ATP10B: variants seen among roughly 807,000 people sequenced by gnomAD.
ATP10B encodes ATPase phospholipid transporting 10B (putative).
Under a neutral mutation model 141.2 loss-of-function variants are expected in ATP10B, and 122 were observed. The ratio of observed to expected loss-of-function variants is 0.86; its 90% CI spans 0.75 to 1.00. The LOEUF (loss-of-function observed/expected upper bound fraction) is 1.00, where lower values mean the gene tolerates loss of function less well. Ranked by LOEUF, ATP10B falls within the 50% of genes least tolerant of loss-of-function variation. The pLI is 0.00. For synonymous variants in ATP10B, 685 were observed against 692.0 expected, an observed-to-expected ratio of 0.99 and a Z score of 0.16; for missense variants, 1,876 against 1,825.3, an observed-to-expected ratio of 1.03 and a Z score of -0.51.
At chr5:160,671,164 CAAAAA>C (rs1167788105) in intron 6 of ATP10B, among the ~76,000 whole-genome samples, 19 of 23,734 alleles carry the variant, frequency 8.0e-4, no homozygotes, top group East Asian at 5.0e-3. Flanking sequence ...GACTCTGTCT[CAAAAA>C]AAAAAAAAAA....
At chr5:160,881,779 C>G in the ATP10B span, among the ~76,000 whole-genome samples, 3 of 151,944 alleles carry the variant, frequency 2.0e-5, no homozygotes, top group Non-Finnish European at 4.4e-5. Context: ...CCACTGCACT[C>G]CAGCCTGGGT....
chr5:160,813,901 A>G (rs919769168), intron 1 of ATP10B, among the ~76,000 whole-genome samples: 46 of 152,340 alleles, frequency 3.0e-4, no homozygotes, highest in African/African-American at 1.1e-3. Flanking sequence ...AGCAAACTCC[A>G]ACAGACCTGT....
At chr5:160,613,359 G>C (rs1166530232) in intron 17 of ATP10B, among the ~76,000 whole-genome samples, 3 of 152,182 alleles carry the variant, frequency 2.0e-5, no homozygotes, top group Non-Finnish European at 4.4e-5. Flanking sequence ...AGCAAGGTGA[G>C]AGATGAGGCC....
chr5:160,622,609 G>A (rs1402456863), intron 13 of ATP10B, 24 bp from the exon 14 acceptor site: 3 of 1,593,538 alleles, frequency 1.9e-6, no homozygotes, highest in Non-Finnish European at 2.6e-6. Flanking sequence ...GCCAGAATGA[G>A]AGTCTTTTCT....
the ATP10B span, among the ~76,000 whole-genome samples, chr5:160,869,585 TAAC>T: frequency 7.9e-5 from 12 of 152,170 alleles, no homozygotes; most frequent in African/African-American, 1.9e-4. Context: ...TGCACCATTC[TAAC>T]AACAAGTGAA....
At chr5:160,608,353 AG>A (rs1348711455) in intron 18 of ATP10B, among the ~76,000 whole-genome samples, 1 of 152,104 alleles carries the variant, frequency 6.6e-6, no homozygotes, top group Non-Finnish European at 1.5e-5. Context: ...GGTTGGTTCC[AG>A]GTCTCTGCTA....
At chr5:160,922,166 G>T in the ATP10B span, among the ~76,000 whole-genome samples, 1 of 152,176 alleles carries the variant, frequency 6.6e-6, no homozygotes, top group African/African-American at 2.4e-5. Flanking sequence ...TCAGCTGAAG[G>T]GAAGAGGTAG....
Position 160,632,167 on chromosome 5 carries a change from C to T in ATP10B, c.1582G>A (p.Glu528Lys). The T allele has an allele frequency of 6.2e-7, 1 of 1,614,152 alleles. No homozygotes were observed. The highest frequency in any genetic ancestry group is 8.5e-7 in the Non-Finnish European group (1 of 1,179,984). The change falls in exon 13 of 26, where the codon GAA becomes AAA. Residue 528 changes from glutamate (E) to lysine (K), a missense_variant. By Grantham distance (56) the Glu-to-Lys change is moderately conservative. Transcript: ENST00000327245. ...AAGGCCACAGGAGGCTGTGAGCTTT[C>T]ACGGTGCCCCATAGACCTTTGCCGG... Reference protein sequence around the residue: ...HYRQRSMGHRESSQPPVAFSS... With the variant: ...HYRQRSMGHRKSSQPPVAFSS...
At chr5:160,568,613 T>C (rs1305107773) in intron 25 of ATP10B, among the ~76,000 whole-genome samples, 1 of 152,150 alleles carries the variant, frequency 6.6e-6, no homozygotes, top group Non-Finnish European at 1.5e-5. Flanking sequence ...GCCTTTGAGT[T>C]GGGAGAACCT....
At chr5:160,747,000 G>GA (rs989249020) in intron 2 of ATP10B, among the ~76,000 whole-genome samples, 35 of 152,122 alleles carry the variant, frequency 2.3e-4, no homozygotes, top group African/African-American at 7.7e-4. Context: ...CATATTTGGG[G>GA]AAAAAAATAG....
chr5:160,820,094 A>AT (rs373056776), intron 1 of ATP10B, among the ~76,000 whole-genome samples: 80 of 151,766 alleles, frequency 5.3e-4, no homozygotes, highest in African/African-American at 1.1e-3. Flanking sequence ...CAAAAAGTTG[A>AT]TTTTTTTTGT....
At chr5:160,774,752 G>C (rs992744613) in intron 2 of ATP10B, among the ~76,000 whole-genome samples, 1 of 152,156 alleles carries the variant, frequency 6.6e-6, no homozygotes, top group Non-Finnish European at 1.5e-5. Context: ...AAGTAACAGA[G>C]ACACAAACTT....
the ATP10B span, among the ~76,000 whole-genome samples, chr5:160,868,634 G>T: frequency 4.7e-5 from 7 of 150,380 alleles, no homozygotes; most frequent in Non-Finnish European, 8.9e-5. Flanking sequence ...ATAGAGAAAA[G>T]TCTCTCTTTC....
At chr5:160,787,780 C>T (rs1771277984) in intron 1 of ATP10B, among the ~76,000 whole-genome samples, 1 of 152,024 alleles carries the variant, frequency 6.6e-6, no homozygotes, top group Admixed American at 6.6e-5. Context: ...TGTCTCTTGA[C>T]CTTGGTTTCC....
At chr5:160,778,038 C>T (rs1357455495) in intron 2 of ATP10B, among the ~76,000 whole-genome samples, 1 of 152,142 alleles carries the variant, frequency 6.6e-6, no homozygotes, top group African/African-American at 2.4e-5. Context: ...TGGAAGGATA[C>T]ACACATACAA....
chr5:160,620,922 A>G lies in ATP10B; in HGVS notation c.1841T>C (p.Leu614Pro), dbSNP rs367799912. Residue 614 changes from leucine to proline, a missense_variant, in exon 15 of 26, where the codon CTG becomes CCG. By Grantham distance (98) the Leu-to-Pro change is moderately conservative. Transcript: ENST00000327245. ...RVTIKPSSKA[L>P]GTSLEKIQQL... ...CTGAATCTTCTCCAGGGACGTCCCC[A>G]GAGCCTTGCTTGAGGGTTTGATGGT... 3.1e-6 allele frequency: 5 copies of G among 1,613,986 alleles called. No homozygotes were observed. The highest frequency in any genetic ancestry group is 3.4e-6 in the Non-Finnish European group (4 of 1,179,900).
intron 22 of ATP10B, among the ~76,000 whole-genome samples, chr5:160,594,795 C>T (rs1348882161): frequency 1.3e-5 from 2 of 151,888 alleles, no homozygotes; most frequent in Admixed American, 1.3e-4. Flanking sequence ...ACAAAGAAGG[C>T]CATTACATAA....
chr5:160,920,858 G>A, the ATP10B span, among the ~76,000 whole-genome samples: 1 of 152,194 alleles, frequency 6.6e-6, no homozygotes, highest in Admixed American at 6.5e-5. Context: ...TGGTCAGGGG[G>A]CCTCACTTTG....
At position 160,670,554 on chromosome 5, in the gene ATP10B, T is replaced by A; in HGVS notation, c.584A>T (p.Asp195Val). The change falls in exon 7 of 26, where the codon GAC (aspartate) becomes GTC (valine). Residue 195 changes from aspartate (D) to valine (V), a missense_variant. Physicochemically the swap from Asp to Val is radical, Grantham distance 152 (BLOSUM62 -3). Coordinates refer to ENST00000327245, the MANE Select transcript of ATP10B (RefSeq NM_025153.3). ...TTCCAGATGGCATATCCCATTGGGG[T>A]CAGAGGAAAAAAGGAGGAGTATGTC... is the stretch of plus-strand genomic sequence containing the variant. Reference protein sequence around the residue: ...PADILLLFSSDPNGICHLETA... With the variant: ...PADILLLFSSVPNGICHLETA... The A allele has an allele frequency of 6.2e-7, 1 of 1,613,854 alleles. No individual in the cohort carries two copies. Among genetic ancestry groups the A allele is most frequent in the Non-Finnish European group, 8.5e-7 (1 of 1,179,934 alleles).
Sources: allele counts gnomAD v4.1 joint callset (sites outside exome capture counted in the v4.1 genomes callset), GRCh38; gene constraint gnomAD v4.1.1; transcripts MANE v1.5; gene names NCBI Gene and HGNC (gene_info 2026-07-23, HGNC 2026-07-21).